The following NPY2R variants were observed in gnomAD, a reference collection of about 807,000 sequenced individuals.
The protein encoded by NPY2R is neuropeptide Y receptor Y2, also known as neuropeptide Y receptor type 2.
A neutral mutation model predicts 22.3 loss-of-function variants in NPY2R; 17 were observed. That is an observed-to-expected ratio of 0.76 (90% confidence interval 0.52 to 1.14). The LOEUF is 1.14. NPY2R is among the 50% of genes most tolerant of loss of function. The probability of loss-of-function intolerance (pLI) is 0.00; values close to 1 mark genes in which losing one functional copy is unlikely to be tolerated. For synonymous variants in NPY2R, 209 were observed against 183.4 expected (o/e 1.14, Z -1.13); for missense variants, 424 against 467.9 (o/e 0.91, Z 0.87).
the NPY2R span, among the ~76,000 whole-genome samples, chr4:155,201,073 G>T: frequency 6.6e-6 from 1 of 152,002 alleles, no homozygotes; most frequent in Non-Finnish European, 1.5e-5. Context: ...TATATATACT[G>T]CAAGGCAAAG....
the NPY2R span, among the ~76,000 whole-genome samples, chr4:155,174,484 A>ATATATATATATATATATTTTT: frequency 8.4e-4 from 89 of 106,032 alleles, no homozygotes; most frequent in East Asian, 2.9e-3. Context: ...ATATATATAT[A>ATATATATATATATATATTTTT]TTTTTTTTTT....
rs151197683 is a variant in NPY2R, at chr4:155,214,508, C to T, written c.569C>T (p.Ser190Leu). ...CCCCTGGCCATCTTCCGGGAGTATT[C>T]GCTGATTGAGATCATCCCGGACTTT... ...ASPLAIFREY[S>L]LIEIIPDFEI... Residue 190 changes from serine (S) to leucine (L), a missense_variant, in exon 2 of 2, where the codon TCG (serine) becomes TTG (leucine). Physicochemically the swap from Ser to Leu is moderately radical, Grantham distance 145. Transcript: ENST00000329476. 3.7e-6 allele frequency: 6 copies of T among 1,614,102 alleles called. No individual in the cohort carries two copies. The highest frequency in any genetic ancestry group is 2.7e-5 in the African/African-American group (2 of 75,038).
chr4:155,207,062 A>G (rs1442268763), upstream of NPY2R: 2 of 152,202 alleles, frequency 1.3e-5, no homozygotes, highest in Non-Finnish European at 2.9e-5. Flanking sequence ...ATTTCTGTTT[A>G]CCTTTGTTTC....
At chr4:155,174,484 A>T in the NPY2R span, among the ~76,000 whole-genome samples, 14,601 of 106,008 alleles carry the variant, frequency 0.14, 1,274 homozygotes, top group East Asian at 0.34. Context: ...ATATATATAT[A>T]TTTTTTTTTT....
At chr4:155,211,600 T>C (rs1316669285) in intron 1 of NPY2R, among the ~76,000 whole-genome samples, 1 of 152,166 alleles carries the variant, frequency 6.6e-6, no homozygotes, top group Non-Finnish European at 1.5e-5. Flanking sequence ...GAGAGCAAAT[T>C]AATGAAAGCA....
At chr4:155,200,232 A>G in the NPY2R span, among the ~76,000 whole-genome samples, 1 of 152,306 alleles carries the variant, frequency 6.6e-6, no homozygotes, top group South Asian at 2.1e-4. Context: ...TACGTGGTCA[A>G]CAAACATATG....
upstream of NPY2R, chr4:155,208,543 A>C (rs181665654): frequency 6.6e-6 from 1 of 152,648 alleles, no homozygotes; most frequent in East Asian, 2.0e-4. The surrounding 1 kb of genome is among the most constrained non-coding windows in gnomAD (Gnocchi z 5.6). Context: ...AGTAGGTGAC[A>C]GCAGCAGCTG....
chr4:155,204,414 T>C (rs1729244527), upstream of NPY2R, among the ~76,000 whole-genome samples: 1 of 152,210 alleles, frequency 6.6e-6, no homozygotes, highest in Non-Finnish European at 1.5e-5. Context: ...GGAAGAAGTT[T>C]CTTGGTTTTC....
At chr4:155,212,537 A>G (rs1350122697) in intron 1 of NPY2R, among the ~76,000 whole-genome samples, 2 of 152,208 alleles carry the variant, frequency 1.3e-5, no homozygotes, top group Non-Finnish European at 2.9e-5. Context: ...TGCATGATGC[A>G]TGCAGGTTTG....
chr4:155,201,641 G>A, the NPY2R span, among the ~76,000 whole-genome samples: 1 of 152,092 alleles, frequency 6.6e-6, no homozygotes, highest in African/African-American at 2.4e-5. Context: ...TGTCACGTTG[G>A]AGCATCATCT....
chr4:155,212,772 G>A (rs975852840), intron 1 of NPY2R, among the ~76,000 whole-genome samples: 13 of 152,162 alleles, frequency 8.5e-5, no homozygotes, highest in African/African-American at 2.4e-4. Flanking sequence ...ACTAGTCTGC[G>A]GGTTCTCTTA....
the NPY2R span, among the ~76,000 whole-genome samples, chr4:155,198,423 A>G: frequency 6.7e-6 from 1 of 148,258 alleles, no homozygotes; most frequent in African/African-American, 2.4e-5. Flanking sequence ...TGTATATAAA[A>G]TATATATATC....
rs535190682 is a variant in NPY2R, at chr4:155,215,976, G to A, written c.*891G>A. The A allele has an allele frequency of 1.3e-4, 21 of 167,142 alleles. No homozygotes were observed. The highest frequency in any genetic ancestry group is 4.6e-4 in the African/African-American group (19 of 41,560). 10.4% of individuals were successfully genotyped at this position (167,142 alleles called of 1,614,324 possible). A position where few individuals can be genotyped will look rare whatever the true frequency, so the allele number is the denominator to read the frequency against. ...CTACACTAAAATTTAAATCAGACTAGAGAATAATTTTTGTGGCATGTTGTA... is the reference window on the plus strand; with the variant it reads ...CTACACTAAAATTTAAATCAGACTAAAGAATAATTTTTGTGGCATGTTGTA... On this transcript the variant is annotated 3_prime_UTR_variant, in exon 2 of 2. Transcript: ENST00000329476.
At chr4:155,189,522 A>G in the NPY2R span, among the ~76,000 whole-genome samples, 1 of 152,034 alleles carries the variant, frequency 6.6e-6, no homozygotes, top group Non-Finnish European at 1.5e-5. Flanking sequence ...TTTAAAATGT[A>G]TCTCTTGTCC....
chr4:155,194,831 A>G, the NPY2R span, among the ~76,000 whole-genome samples: 1 of 151,978 alleles, frequency 6.6e-6, no homozygotes, highest in Non-Finnish European at 1.5e-5. Flanking sequence ...ACAGTGGCTG[A>G]ATCAATTTAC....
At chr4:155,204,203 A>G (rs1027555777), upstream of NPY2R, among the ~76,000 whole-genome samples, 100 of 138,854 alleles carry the variant, frequency 7.2e-4, no homozygotes, top group African/African-American at 2.4e-3. Flanking sequence ...AGGTGAGGGG[A>G]AAAAAAAAAA....
At chr4:155,197,492 A>T in the NPY2R span, among the ~76,000 whole-genome samples, 5 of 151,278 alleles carry the variant, frequency 3.3e-5, no homozygotes, top group East Asian at 9.8e-4. Context: ...TTCTTTCCTG[A>T]CTAGGAGGAG....
the NPY2R span, among the ~76,000 whole-genome samples, chr4:155,183,770 AG>A: frequency 1.3e-5 from 2 of 152,194 alleles, no homozygotes; most frequent in Admixed American, 1.3e-4. Context: ...TGCTCTGCAC[AG>A]TGCTTGCTTA....
At chr4:155,191,988 G>T in the NPY2R span, among the ~76,000 whole-genome samples, 2 of 151,850 alleles carry the variant, frequency 1.3e-5, no homozygotes, top group Admixed American at 1.3e-4. Flanking sequence ...ACCACTTTAT[G>T]CATCATTGTA....
Sources: gnomAD v4.1 joint callset for allele counts (sites outside exome capture counted in the v4.1 genomes callset) on GRCh38, gnomAD v4.1.1 for gene constraint, Gnocchi (gnomAD v3.1) non-coding constraint, MANE v1.5 for transcripts, NCBI Gene and HGNC (gene_info 2026-07-23, HGNC 2026-07-21) for gene names.